LBP: variants seen among roughly 807,000 people sequenced by gnomAD.
The protein encoded by LBP is lipopolysaccharide-binding protein.
LBP carries 53 observed loss-of-function variants against 56.6 expected under a neutral mutation model. The ratio of observed to expected loss-of-function variants is 0.94; its 90% confidence interval spans 0.75 to 1.18. The LOEUF is 1.18. Ranked by LOEUF, LBP falls within the 50% of genes most tolerant of loss-of-function variation. The pLI is 0.00. For missense variants in LBP, 601 were observed against 598.3 expected (o/e 1.00, Z -0.05); for synonymous variants, 227 against 247.5 (o/e 0.92, Z 0.78).
At chr20:38,355,513 C>T (rs574484397) in intron 5 of LBP, 104 bp downstream of exon 5, 6 of 1,028,288 alleles carry the variant, frequency 5.8e-6, no homozygotes, top group Non-Finnish European at 7.5e-6. Flanking sequence ...CTGGTTTAGA[C>T]GTACTTGGGC....
intron 4 of LBP, among the ~76,000 whole-genome samples, chr20:38,354,781 T>G (rs1417847850): frequency 1.3e-5 from 2 of 152,106 alleles, no homozygotes; most frequent in African/African-American, 4.8e-5. Flanking sequence ...TAGTCTCAGT[T>G]TCCTTGATTA....
intron 3 of LBP, 124 bp from the exon 4 acceptor site, chr20:38,354,160 T>C (rs866351464): frequency 4.0e-6 from 3 of 743,658 alleles, no homozygotes; most frequent in African/African-American, 3.6e-5. Flanking sequence ...GCTTTATTTG[T>C]TATTCTTAAA....
chr20:38,376,054 C>T (rs1026785219), intron 14 of LBP, among the ~76,000 whole-genome samples: 3 of 152,172 alleles, frequency 2.0e-5, no homozygotes, highest in Non-Finnish European at 4.4e-5. Context: ...TAAAACGGGA[C>T]ATAACCGAAA....
intron 5 of LBP, among the ~76,000 whole-genome samples, chr20:38,356,433 C>T (rs1278413462): frequency 2.7e-5 from 3 of 112,334 alleles, no homozygotes; most frequent in Non-Finnish European, 6.0e-5. Context: ...CACACACACA[C>T]ACACACACAC....
At chr20:38,366,872 T>G (rs1240703655) in intron 9 of LBP, 44 bp downstream of exon 9, 2 of 1,548,554 alleles carry the variant, frequency 1.3e-6, no homozygotes, top group Non-Finnish European at 1.8e-6. Context: ...CCGAGCCTAC[T>G]AGACTCCAGA....
intron 1 of LBP, among the ~76,000 whole-genome samples, 163 bp downstream of exon 1, chr20:38,346,803 C>G (rs1194759370): frequency 6.6e-6 from 1 of 152,236 alleles, no homozygotes; most frequent in Non-Finnish European, 1.5e-5. Context: ...TTACTGCCCA[C>G]CAGCTGAGTG....
rs773234938 is a variant in LBP, at chr20:38,364,710, T to C, written c.879T>C (p.Tyr293=). ...DYVFNTASLV[Y]HEEGYLNFSI... ...TCTTCAACACGGCCAGCCTGGTTTA[T>C]CATGAGGAAGGATATCTGAACTTCT... is the stretch of plus-strand genomic sequence containing the variant. The change falls in exon 8 of 15, where the codon TAT becomes TAC. Residue 293 remains tyrosine, a synonymous_variant. Coordinates refer to ENST00000217407, the MANE Select transcript of LBP (RefSeq NM_004139.5). The C allele has an allele frequency of 2.5e-6, 4 of 1,613,820 alleles. No homozygotes were observed. The Admixed American group carries it at 5.0e-5, about 20-fold the overall frequency.
At chr20:38,368,463 G>A (rs2076890347) in intron 9 of LBP, among the ~76,000 whole-genome samples, 2 of 152,070 alleles carry the variant, frequency 1.3e-5, no homozygotes, top group African/African-American at 2.4e-5. Flanking sequence ...GCCGGGTGTG[G>A]TGGTGCACAC....
chr20:38,355,448 C>G (rs559029199), intron 5 of LBP, 39 bp downstream of exon 5: 1 of 1,575,424 alleles, frequency 6.3e-7, no homozygotes, highest in Non-Finnish European at 8.7e-7. Context: ...CCGAGCTTGG[C>G]GAGGGCTGAA....
intron 13 of LBP, among the ~76,000 whole-genome samples, chr20:38,373,662 T>C (rs1308449957): frequency 6.6e-6 from 1 of 152,230 alleles, no homozygotes; most frequent in African/African-American, 2.4e-5. Context: ...GACAGCACCA[T>C]GCCTGATAGC....
intron 6 of LBP, among the ~76,000 whole-genome samples, chr20:38,362,053 C>CTTTTTTTTTT (rs1229689650): frequency 1.7e-5 from 2 of 117,670 alleles, no homozygotes; most frequent in African/African-American, 3.2e-5. Flanking sequence ...TTTTTGTTTT[C>CTTTTTTTTTT]TTTTTTTTTT....
intron 7 of LBP, among the ~76,000 whole-genome samples, chr20:38,364,369 T>C (rs2076872959): frequency 1.3e-5 from 2 of 152,092 alleles, no homozygotes; most frequent in Non-Finnish European, 2.9e-5. Flanking sequence ...CTAGGGCATA[T>C]AGAGGGGCTG....
At chr20:38,375,015 T>C (rs975401137) in intron 14 of LBP, among the ~76,000 whole-genome samples, 1 of 148,788 alleles carries the variant, frequency 6.7e-6, no homozygotes, top group Non-Finnish European at 1.5e-5. Flanking sequence ...CAGGCTGGTC[T>C]CAAACTCCTG....
intron 12 of LBP, among the ~76,000 whole-genome samples, chr20:38,372,766 A>T (rs1169710596): frequency 6.6e-6 from 1 of 152,090 alleles, no homozygotes; most frequent in Non-Finnish European, 1.5e-5. Context: ...TAAATTTTTT[A>T]AATTATGTAG....
At chr20:38,370,606 C>A in intron 10 of LBP, 132 bp from the exon 11 acceptor site, 7 of 761,294 alleles carry the variant, frequency 9.2e-6, no homozygotes, top group Non-Finnish European at 1.6e-5. Flanking sequence ...AGTCTATGAT[C>A]TAGTGGGCAA....
Position 38,364,625 on chromosome 20 carries a change from C to T in LBP, c.794C>T (p.Ala265Val). The part of the protein sequence containing the change: ...NHRSPVTLLA[A>V]VMSLPEEHNK... Reference sequence around the variant, plus strand: ...CGTTCTCCAGTTACCCTCCTTGCTGCAGTCATGAGCCTTCCTGAGGAACAC... The same window carrying T: ...CGTTCTCCAGTTACCCTCCTTGCTGTAGTCATGAGCCTTCCTGAGGAACAC... Residue 265 changes from alanine to valine, a missense_variant, in exon 8 of 15, where the codon GCA (alanine) becomes GTA (valine). By Grantham distance (64) the Ala-to-Val change is moderately conservative. Coordinates refer to ENST00000217407, the MANE Select transcript of LBP (RefSeq NM_004139.5). The T allele has an allele frequency of 1.2e-6, 2 of 1,614,122 alleles. No homozygotes were observed. Among genetic ancestry groups the T allele is most frequent in the Non-Finnish European group, 1.7e-6 (2 of 1,180,018 alleles).
At position 38,370,726 on chromosome 20, in the gene LBP, T is replaced by G; in HGVS notation, c.1150-12T>G. The G allele has an allele frequency of 3.1e-6, 5 of 1,613,344 alleles. No homozygotes were observed. The highest frequency in any genetic ancestry group is 4.2e-6 in the Non-Finnish European group (5 of 1,179,264). On this transcript the variant is annotated splice_polypyrimidine_tract_variant and intron_variant, in intron 10 of 14. Coordinates refer to ENST00000217407, the MANE Select transcript of LBP (RefSeq NM_004139.5). ...ATCACTTACACCTGCTTCCTTCTTC[T>G]GGCATTTCCAGGCCACTAATGTGTC...
At position 38,354,264 on chromosome 20, in the gene LBP, G is replaced by GCTTCTCTTACCTC; in HGVS notation, c.369-17_369-5dup. The GCTTCTCTTACCTC allele has an allele frequency of 6.2e-7, 1 of 1,604,678 alleles. No homozygotes were observed. The highest frequency in any genetic ancestry group is 8.5e-7 in the Non-Finnish European group (1 of 1,174,806). ...ACCCCTGGTCTAGGAACTAACCATG[G>GCTTCTCTTACCTC]CTTCTCTTACCTCCTCCAGCAAACT... On this transcript the variant is annotated intron_variant, in intron 3 of 14. Coordinates refer to ENST00000217407, the MANE Select transcript of LBP (RefSeq NM_004139.5).
At chr20:38,376,584 A>G in intron 14 of LBP, 41 bp from the exon 15 acceptor site, 2 of 1,584,256 alleles carry the variant, frequency 1.3e-6, no homozygotes, top group South Asian at 2.2e-5. Flanking sequence ...TTTGGAGTAG[A>G]GGATGCTCTT....
Sources: gnomAD v4.1 joint callset for allele counts (sites outside exome capture counted in the v4.1 genomes callset) on GRCh38, gnomAD v4.1.1 for gene constraint, MANE v1.5 for transcripts, NCBI Gene and HGNC (gene_info 2026-07-23, HGNC 2026-07-21) for gene names.